Variants in NUP188 observed in about 807,000 individuals in gnomAD.
NUP188 encodes nucleoporin NUP188.
A neutral mutation model predicts 223.0 loss-of-function variants in NUP188; 97 were observed. The observed-to-expected ratio is 0.43, with a 90% confidence interval of 0.37 to 0.51. The LOEUF is 0.51. NUP188 is among the 20% of genes least tolerant of loss of function. NUP188 has a pLI of 0.00. For missense variants in NUP188, 1,947 were observed against 2,175.6 expected, an observed-to-expected ratio of 0.89 and a Z score of 2.09; for synonymous variants, 869 against 828.0, an observed-to-expected ratio of 1.05 and a Z score of -0.85.
At chr9:128,995,166 G>A (rs1842500452) in intron 29 of NUP188, 153 bp from the exon 30 acceptor site, 2 of 655,168 alleles carry the variant, frequency 3.1e-6, no homozygotes, top group South Asian at 1.8e-5. Context: ...ATCCTGGAAA[G>A]GCCTCAGCCT....
rs756625324 is a variant in NUP188, at chr9:129,002,870, C to A, written c.4191C>A (p.Tyr1397Ter). 6.2e-7 allele frequency: 1 copy of A among 1,614,240 alleles called. No homozygotes were observed. Among genetic ancestry groups the A allele is most frequent in the Non-Finnish European group, 8.5e-7 (1 of 1,180,032 alleles). The change falls in exon 37 of 44, where the codon TAC (tyrosine) becomes TAA (stop). Residue 1397 changes from tyrosine (Y) to a stop codon, truncating the protein, a stop_gained. Coordinates refer to ENST00000372577, the MANE Select transcript of NUP188 (RefSeq NM_015354.3). LOFTEE classifies it high-confidence loss of function. ...SLDAPSWPGV[Y>*]RLSMSLMEQL... Reference sequence around the variant, plus strand: ...ATGCCCCCTCTTGGCCAGGAGTCTACCGCCTGTCCATGTCCCTGATGGAGC... The same window carrying A: ...ATGCCCCCTCTTGGCCAGGAGTCTAACGCCTGTCCATGTCCCTGATGGAGC...
chr9:128,973,425 CAGGCT>C (rs1325387171), intron 12 of NUP188, among the ~76,000 whole-genome samples, 176 bp downstream of exon 12: 1 of 152,126 alleles, frequency 6.6e-6, no homozygotes, highest in East Asian at 1.9e-4. Flanking sequence ...CTCTGTCCCC[CAGGCT>C]GGAGTGTGGT....
At chr9:128,998,313 G>T in intron 31 of NUP188, 85 bp downstream of exon 31, 1 of 1,275,368 alleles carries the variant, frequency 7.8e-7, no homozygotes, top group East Asian at 2.3e-5. Flanking sequence ...CTGCCAGCCA[G>T]CCGCACAAAT....
At chr9:128,991,404 G>T (rs1168738277) in intron 25 of NUP188, among the ~76,000 whole-genome samples, 2 of 152,000 alleles carry the variant, frequency 1.3e-5, no homozygotes, top group Non-Finnish European at 2.9e-5. Context: ...TGGGTGGCAG[G>T]TGCCTGTAAT....
rs955917617 is a variant in NUP188 at position 129,006,875 on chromosome 9, G to A, written c.*197G>A. ...TGAAGAGGTCAACAGCAGGCATGGG[G>A]AGCCGAGTCTTCTGTGCTCAGGTCC... is the stretch of plus-strand genomic sequence containing the variant. On this transcript the variant is annotated 3_prime_UTR_variant, in exon 44 of 44. Coordinates refer to ENST00000372577, the MANE Select transcript of NUP188 (RefSeq NM_015354.3). 2.7e-5 allele frequency: 14 copies of A among 522,410 alleles called. No homozygotes were observed. The highest frequency in any genetic ancestry group is 4.3e-5 in the Non-Finnish European group (13 of 304,080). The allele number at this position is 522,410 out of a possible 1,614,324, so 32.4% of individuals were successfully genotyped here.
intron 2 of NUP188, among the ~76,000 whole-genome samples, chr9:128,951,287 A>G (rs1263720019): frequency 2.7e-5 from 4 of 147,754 alleles, no homozygotes; most frequent in Non-Finnish European, 5.9e-5. Context: ...AGCCTGGGTG[A>G]CAAAGCGAGA....
At position 129,001,659 on chromosome 9, in the gene NUP188, G is replaced by C. The variant is rs41316500; in HGVS notation, c.3974G>C (p.Arg1325Pro). 8.3e-5 allele frequency: 134 copies of C among 1,613,846 alleles called. No individual in the cohort carries two copies. The highest frequency in any genetic ancestry group is 1.0e-4 in the Non-Finnish European group (118 of 1,179,972). Residue 1325 changes from arginine to proline, a missense_variant, in exon 35 of 44, where the codon CGC becomes CCC. Around this residue, in one of 3 missense-constraint regions of NUP188, gnomAD observed 905 missense variants for 990.6 expected, o/e 0.91. Transcript: ENST00000372577. ...CTCACCACTCTAGAGGTGAGCCTTC[G>C]CATGAAGCAGAACCTGCATTTCACT... is the stretch of plus-strand genomic sequence containing the variant. ...TLLTTLEVSLRMKQNLHFTEA... is the reference protein window; with the variant it reads ...TLLTTLEVSLPMKQNLHFTEA...
intron 28 of NUP188, 127 bp from the exon 29 acceptor site, chr9:128,994,729 C>A: frequency 1.2e-6 from 1 of 804,964 alleles, no homozygotes. Context: ...TCAGGACATT[C>A]ACATTCAACA....
At chr9:128,982,500 A>T in intron 15 of NUP188, 49 bp from the exon 16 acceptor site, 1 of 1,508,788 alleles carries the variant, frequency 6.6e-7, no homozygotes, top group Non-Finnish European at 9.1e-7. Context: ...GAGGAGTTAC[A>T]TTTTTTATTT....
chr9:128,956,903 CTG>C (rs1564550270), intron 4 of NUP188, 47 bp from the exon 5 acceptor site: 1 of 1,277,266 alleles, frequency 7.8e-7, no homozygotes, highest in East Asian at 2.3e-5. Context: ...TCTCTGCATC[CTG>C]TGTGCGATTT....
intron 1 of NUP188, 118 bp downstream of exon 1, chr9:128,947,869 G>C: frequency 5.0e-6 from 5 of 993,038 alleles, no homozygotes; most frequent in South Asian, 3.2e-5. Flanking sequence ...ACCCCGGCTG[G>C]ATGGACGGGC....
chr9:129,006,466 G>A (rs1213083828), intron 43 of NUP188, 36 bp from the exon 44 acceptor site: 1 of 1,611,978 alleles, frequency 6.2e-7, no homozygotes, highest in Non-Finnish European at 8.5e-7. Context: ...GTAGCCAGAT[G>A]TGCTGAGCCT....
chr9:128,959,199 A>G, intron 8 of NUP188, 65 bp downstream of exon 8: 1 of 1,334,854 alleles, frequency 7.5e-7, no homozygotes, highest in Non-Finnish European at 1.0e-6. Flanking sequence ...TCTGTCACCC[A>G]GGCTGGAGTG....
intron 24 of NUP188, 72 bp downstream of exon 24, chr9:128,988,258 T>C: frequency 6.5e-7 from 1 of 1,530,224 alleles, no homozygotes; most frequent in South Asian, 1.2e-5. Flanking sequence ...TAAATACGTA[T>C]CTTAGGCAGT....
At position 129,003,713 on chromosome 9, in the gene NUP188, G is replaced by T. The variant is rs917019897; in HGVS notation, c.4434+259G>T. 1.7e-5 allele frequency: 9 copies of T among 516,908 alleles called. No individual in the cohort carries two copies. The Admixed American group carries it at 2.8e-4, about 16-fold the overall frequency. 32.0% of individuals were successfully genotyped at this position (516,908 alleles called of 1,614,324 possible). A position where few individuals can be genotyped will look rare whatever the true frequency, so the allele number is the denominator to read the frequency against. ...CAGATCCCTTAAGAATACACTTGGG[G>T]CCGGGCATGGTGGCTCACGCCTGTA... On this transcript the variant is annotated intron_variant, in intron 38 of 43. Transcript: ENST00000372577.
intron 14 of NUP188, 149 bp downstream of exon 14, chr9:128,980,874 A>C: frequency 2.7e-6 from 2 of 732,326 alleles, no homozygotes. Flanking sequence ...ATAGCACCTC[A>C]ATTCTAAAAA....
chr9:128,950,362 A>G (rs1841765218), intron 2 of NUP188, among the ~76,000 whole-genome samples: 2 of 152,034 alleles, frequency 1.3e-5, no homozygotes, highest in Admixed American at 6.6e-5. Flanking sequence ...TGGGGATTAC[A>G]GATGCATGCC....
intron 8 of NUP188, among the ~76,000 whole-genome samples, chr9:128,964,706 A>ATTTTTT (rs112671736): frequency 3.1e-5 from 4 of 129,464 alleles, no homozygotes; most frequent in East Asian, 2.2e-4. Context: ...TTTAATTTTA[A>ATTTTTT]TTTTTTTTTT....
chr9:128,997,264 T>G (rs1480574612), intron 30 of NUP188, among the ~76,000 whole-genome samples: 2 of 152,092 alleles, frequency 1.3e-5, no homozygotes, highest in African/African-American at 4.8e-5. Context: ...CAAGCAGGGT[T>G]GGACTAGAGT....
Sources: allele counts gnomAD v4.1 joint callset (sites outside exome capture counted in the v4.1 genomes callset), GRCh38; gene constraint gnomAD v4.1.1; regional missense constraint gnomAD v4.1.1; transcripts MANE v1.5; gene names NCBI Gene and HGNC (gene_info 2026-07-23, HGNC 2026-07-21).